Variants in TUBB8 observed in about 807,000 individuals in gnomAD.
TUBB8 encodes tubulin beta-8 chain.
TUBB8 carries 25 observed loss-of-function variants against 33.7 expected under a neutral mutation model. The ratio of observed to expected loss-of-function variants is 0.74; its 90% CI spans 0.54 to 1.04. The LOEUF (loss-of-function observed/expected upper bound fraction) is 1.04. Among genes scored for constraint, TUBB8 ranks in the 50% least tolerant of loss-of-function variants. The pLI, the probability that TUBB8 is intolerant of heterozygous loss-of-function variation, is 0.00. For synonymous variants in TUBB8, 245 were observed against 240.1 expected, an observed-to-expected ratio of 1.02 and a Z score of -0.19; for missense variants, 279 against 608.0, an observed-to-expected ratio of 0.46 and a Z score of 5.69.
intron 1 of TUBB8, among the ~76,000 whole-genome samples, chr10:58,021 C>A (rs1425996651): frequency 1.3e-5 from 2 of 152,208 alleles, no homozygotes; most frequent in African/African-American, 4.8e-5. Context: ...TTAGAAGCAG[C>A]CAGGCCACAT....
intron 1 of TUBB8, among the ~76,000 whole-genome samples, chr10:67,507 C>A (rs1269894922): frequency 6.6e-6 from 1 of 152,118 alleles, no homozygotes; most frequent in Non-Finnish European, 1.5e-5. Context: ...TCACTGCAAC[C>A]CCTGCCTCCT....
chr10:48,806 C>T lies in TUBB8; in HGVS notation c.164G>A (p.Ser55Asn), dbSNP rs1277304584. ...ERINVYYNEA[S>N]GGRYVPRAVL... ...TGGGGGAAGGACGGGGGTCTCACCG[C>T]TGGCCTCGTTGTAGTACACGTTGAT... is the stretch of plus-strand genomic sequence containing the variant. The change falls in exon 2 of 4, where the codon AGC (serine) becomes AAC (asparagine). Residue 55 changes from serine (S) to asparagine (N), a missense_variant and splice_region_variant. Ser to Asn is a conservative substitution (Grantham distance 46, BLOSUM62 1). This residue lies in a region of TUBB8 where 56 missense variants were observed against 77.9 expected (regional missense o/e 0.72). Transcript: ENST00000568584. The T allele has an allele frequency of 1.9e-6, 3 of 1,611,584 alleles. No individual in the cohort carries two copies. Among genetic ancestry groups the T allele is most frequent in the Non-Finnish European group, 2.5e-6 (3 of 1,179,408 alleles).
At chr10:54,112 G>A (rs1337016783), upstream of TUBB8, among the ~76,000 whole-genome samples, 1 of 152,142 alleles carries the variant, frequency 6.6e-6, no homozygotes, top group Non-Finnish European at 1.5e-5. Context: ...ACCCTGTTCT[G>A]CTACCAAATA....
Position 48,118 on chromosome 10 carries a change from T to A in TUBB8, c.278-4A>T. The A allele has an allele frequency of 1.9e-6, 3 of 1,609,486 alleles. No individual in the cohort carries two copies. Among genetic ancestry groups the A allele is most frequent in the East Asian group, 4.5e-5 (2 of 44,840 alleles). ...TTGTTTCCGGCCCCACACTGACCTG[T>A]AAGACAGCACAGCCGGTCACTCGAC... On this transcript the variant is annotated splice_region_variant and splice_polypyrimidine_tract_variant and intron_variant, in intron 3 of 3. Transcript: ENST00000568584.
chr10:73,039 T>G (rs1834758897), intron 1 of TUBB8, among the ~76,000 whole-genome samples: 1 of 152,134 alleles, frequency 6.6e-6, no homozygotes, highest in African/African-American at 2.4e-5. Flanking sequence ...CAAAGCTTGA[T>G]ATAGTTAATA....
chr10:59,283 G>A (rs531404489), intron 1 of TUBB8, among the ~76,000 whole-genome samples: 9 of 152,182 alleles, frequency 5.9e-5, no homozygotes, highest in African/African-American at 2.2e-4. Flanking sequence ...CTGCCTCCCG[G>A]GTTCAAGCGA....
At chr10:50,776 T>C (rs1305975933), upstream of TUBB8, among the ~76,000 whole-genome samples, 1 of 152,244 alleles carries the variant, frequency 6.6e-6, no homozygotes, top group Non-Finnish European at 1.5e-5. Context: ...CTCAGCTTTT[T>C]GAGCTGCTGA....
chr10:66,878 C>T lies in TUBB8; in HGVS notation c.-846+7091G>A, dbSNP rs533832667. Among the ~76,000 whole-genome samples, 5 of 150,836 alleles carry T rather than the reference C, an allele frequency of 3.3e-5. No individual in the cohort carries two copies. In the East Asian group the frequency reaches 5.9e-4, roughly 18 times the overall value. ...GCCCCAGCTACTTGGGAGGCTGAGG[C>T]GGGAGGATCACTTGAGCCCAGGAGA... is the stretch of plus-strand genomic sequence containing the variant. On this transcript the variant is annotated intron_variant, in intron 1 of 3. Transcript: ENST00000564130.
At chr10:49,116 A>G (rs1230620566) in intron 1 of TUBB8, 66 bp downstream of exon 1, 94 of 1,493,908 alleles carry the variant, frequency 6.3e-5, no homozygotes, top group South Asian at 6.1e-4. Context: ...CGCCCCCGCC[A>G]CTGCCAACAC....
chr10:54,351 T>C (rs1554739948), intron 1 of TUBB8, among the ~76,000 whole-genome samples: 2 of 151,494 alleles, frequency 1.3e-5, no homozygotes, highest in African/African-American at 4.9e-5. Context: ...TCCATTTCTG[T>C]TACTGCAAAT....
upstream of TUBB8, among the ~76,000 whole-genome samples, chr10:75,457 C>T (rs1554743040): frequency 6.6e-6 from 1 of 151,416 alleles, no homozygotes; most frequent in Non-Finnish European, 1.5e-5. Context: ...GAGTTCGAGA[C>T]CAGCCTGGCC....
intron 1 of TUBB8, among the ~76,000 whole-genome samples, chr10:62,069 G>A (rs1330468559): frequency 6.6e-5 from 10 of 151,896 alleles, no homozygotes; most frequent in African/African-American, 2.4e-4. Context: ...TCTTTTGATT[G>A]GAGTATTTCA....
rs530505260 is a variant in TUBB8 at position 70,214 on chromosome 10, C to G, written c.-846+3755G>C. 5.9e-4 allele frequency among the ~76,000 whole-genome samples: 89 copies of G among 152,100 alleles called. No homozygotes were observed. In the South Asian group the frequency reaches 0.011, roughly 18 times the overall value. On this transcript the variant is annotated intron_variant, in intron 1 of 3. Transcript: ENST00000564130. ...AGAAATTGTTTAATATAACAATTCC[C>G]TCAATTGAAAACAAGATAAACTAAT... is the stretch of plus-strand genomic sequence containing the variant.
At chr10:65,322 A>G (rs1333498691) in intron 1 of TUBB8, among the ~76,000 whole-genome samples, 2 of 152,238 alleles carry the variant, frequency 1.3e-5, no homozygotes, top group African/African-American at 4.8e-5. Context: ...TAAATAGTAA[A>G]CCAACCCATA....
intron 1 of TUBB8, among the ~76,000 whole-genome samples, chr10:60,891 C>T (rs1213042346): frequency 2.6e-5 from 4 of 151,968 alleles, no homozygotes; most frequent in South Asian, 2.1e-4. Context: ...GAATACTATG[C>T]AGCCATAAAA....
At chr10:69,934 T>C (rs1588281482) in intron 1 of TUBB8, among the ~76,000 whole-genome samples, 2 of 152,178 alleles carry the variant, frequency 1.3e-5, no homozygotes, top group South Asian at 2.1e-4. Flanking sequence ...GAATTCTCTC[T>C]CTTCTGCTGC....
chr10:60,209 C>T (rs1554740679), intron 1 of TUBB8, among the ~76,000 whole-genome samples: 1 of 151,736 alleles, frequency 6.6e-6, no homozygotes, highest in Non-Finnish European at 1.5e-5. Flanking sequence ...TATTTATTTG[C>T]AGCTTTTCTG....
chr10:76,072 G>C (rs1554743166), upstream of TUBB8, among the ~76,000 whole-genome samples: 1 of 150,450 alleles, frequency 6.6e-6, no homozygotes, highest in Non-Finnish European at 1.5e-5. Flanking sequence ...CCGGGAGGCG[G>C]AGGTTGCAGT....
chr10:66,817 C>CA (rs1834677028), intron 1 of TUBB8, among the ~76,000 whole-genome samples: 1 of 150,788 alleles, frequency 6.6e-6, no homozygotes, highest in Admixed American at 6.6e-5. Context: ...ATAAAAAAAT[C>CA]AAAAAATTAG....
Sources: gnomAD v4.1 joint callset for allele counts (sites outside exome capture counted in the v4.1 genomes callset) on GRCh38, gnomAD v4.1.1 for gene constraint, gnomAD v4.1.1 regional missense constraint, MANE v1.5 for transcripts, NCBI Gene and HGNC (gene_info 2026-07-23, HGNC 2026-07-21) for gene names.